The following DOP1A variants were observed in gnomAD, a reference collection of about 807,000 sequenced individuals.
DOP1A encodes the protein protein DOP1A.
In DOP1A, 90 loss-of-function variants were observed where a neutral mutation model predicts 267.6. The ratio of observed to expected loss-of-function variants is 0.34; its 90% CI spans 0.28 to 0.40. The LOEUF is 0.40. Ranked by LOEUF, DOP1A falls within the 10% of genes least tolerant of loss-of-function variation. The probability of loss-of-function intolerance (pLI) is 1.00; values close to 1 mark genes in which losing one functional copy is unlikely to be tolerated. For synonymous variants in DOP1A, 932 were observed against 999.1 expected, an observed-to-expected ratio of 0.93 and a Z score of 1.27; for missense variants, 2,437 against 2,900.4, an observed-to-expected ratio of 0.84 and a Z score of 3.67.
chr6:83,140,415 C>G lies in DOP1A; in HGVS notation c.5415+12C>G. The G allele has an allele frequency of 1.9e-6, 3 of 1,583,734 alleles. No homozygotes were observed. The highest frequency in any genetic ancestry group is 2.6e-6 in the Non-Finnish European group (3 of 1,167,614). The stretch of plus-strand genomic sequence containing the variant: ...TTGGAGCTACAAAGGTTAGACAATT[C>G]ATATTTAATCTGTAGAGCTCAAGAG... On this transcript the variant is annotated intron_variant, in intron 23 of 38. Coordinates refer to ENST00000349129, the MANE Select transcript of DOP1A (RefSeq NM_015018.4).
intron 1 of DOP1A, among the ~76,000 whole-genome samples, chr6:83,074,871 A>C (rs531372311): frequency 1.3e-5 from 2 of 152,338 alleles, no homozygotes; most frequent in African/African-American, 4.8e-5. Context: ...AGCAATGCTA[A>C]ATGAAATGTT....
chr6:83,140,190 A>G, intron 22 of DOP1A, 31 bp from the exon 23 acceptor site: 1 of 1,606,064 alleles, frequency 6.2e-7, no homozygotes, highest in Non-Finnish European at 8.5e-7. Flanking sequence ...CTCAGTAAGT[A>G]ATATGTTTCT....
In DOP1A at chr6:83,159,903, G is replaced by A; in HGVS notation, c.6905G>A (p.Cys2302Tyr). 6.2e-7 allele frequency: 1 copy of A among 1,614,004 alleles called. No homozygotes were observed. The highest frequency in any genetic ancestry group is 8.5e-7 in the Non-Finnish European group (1 of 1,180,008). ...QRWLNLYLSA[C>Y]KFLDLALALP... ...TGGTTAAACCTCTATCTCTCTGCTT[G>A]CAAATTTTTGGATTTGGCTCTCGCA... Residue 2302 changes from cysteine to tyrosine, a missense_variant, in exon 37 of 39, where the codon TGC (cysteine) becomes TAC (tyrosine). By Grantham distance (194) the Cys-to-Tyr change is radical. This residue lies in a region of DOP1A where 197 missense variants were observed against 246.5 expected (regional missense o/e 0.80). Transcript: ENST00000349129.
intron 33 of DOP1A, 104 bp from the exon 34 acceptor site, chr6:83,155,847 C>G: frequency 7.3e-7 from 1 of 1,360,880 alleles, no homozygotes; most frequent in Non-Finnish European, 9.9e-7. Context: ...ACCCCAAGCT[C>G]CTCTCAGTTT....
At chr6:83,123,830 G>A (rs1474383140) in intron 12 of DOP1A, among the ~76,000 whole-genome samples, 2 of 151,592 alleles carry the variant, frequency 1.3e-5, no homozygotes, top group African/African-American at 4.8e-5. Flanking sequence ...TTTTTTTGCC[G>A]CCTGGCCCTA....
chr6:83,148,482 C>G (rs1355696417), intron 26 of DOP1A, among the ~76,000 whole-genome samples: 2 of 151,956 alleles, frequency 1.3e-5, no homozygotes, highest in Non-Finnish European at 2.9e-5. Flanking sequence ...TGCCCATAAT[C>G]CCAACACTTT....
Position 83,138,417 on chromosome 6 carries a change from C to G in DOP1A, c.4375C>G (p.Leu1459Val). The change falls in exon 21 of 39, where the codon CTC becomes GTC. Residue 1459 changes from leucine (L) to valine (V), a missense_variant. Leu to Val is a conservative substitution (Grantham distance 32, BLOSUM62 1). This residue lies in a region of DOP1A where 878 missense variants were observed against 992.9 expected (regional missense o/e 0.88). Coordinates refer to ENST00000349129, the MANE Select transcript of DOP1A (RefSeq NM_015018.4). ...TATGTACATAGAAATTCTTATTTCT[C>G]TCTGCTTATATTACATGCGTAGCCA... ...SSMYIEILIS[L>V]CLYYMRSHYP... 1.2e-6 allele frequency: 2 copies of G among 1,611,512 alleles called. No individual in the cohort carries two copies. Among genetic ancestry groups the G allele is most frequent in the Non-Finnish European group, 1.7e-6 (2 of 1,179,832 alleles).
downstream of DOP1A, chr6:83,169,248 G>A: frequency 6.2e-7 from 1 of 1,613,982 alleles, no homozygotes; most frequent in Non-Finnish European, 8.5e-7. Flanking sequence ...AAACCTGGTT[G>A]GGGCCTTTCT....
At chr6:83,091,182 T>G (rs561990975) in intron 1 of DOP1A, among the ~76,000 whole-genome samples, 2 of 151,226 alleles carry the variant, frequency 1.3e-5, no homozygotes, top group Non-Finnish European at 1.5e-5. Flanking sequence ...ACCATGAGGA[T>G]ACCATGGGAA....
chr6:83,130,812 C>T (rs182522115), intron 17 of DOP1A, among the ~76,000 whole-genome samples: 93 of 151,832 alleles, frequency 6.1e-4, no homozygotes, highest in African/African-American at 2.1e-3. Flanking sequence ...GATCTCGGCT[C>T]ACTGCAACTT....
chr6:83,110,163 A>C lies in DOP1A; in HGVS notation c.530A>C (p.Asp177Ala). The C allele has an allele frequency of 6.2e-7, 1 of 1,611,262 alleles. No homozygotes were observed. Among genetic ancestry groups the C allele is most frequent in the Non-Finnish European group, 8.5e-7 (1 of 1,178,792 alleles). ...MLLEKVAAAV[D>A]QSAFYSALWG... is the part of the protein sequence containing the mutation. ...TTGGAAAAGGTTGCTGCTGCTGTGG[A>C]CCAGTCAGCATTCTACAGTGCCCTG... Residue 177 changes from aspartate (D) to alanine (A), a missense_variant, in exon 6 of 39, where the codon GAC (aspartate) becomes GCC (alanine). By Grantham distance (126) the Asp-to-Ala change is moderately radical. Coordinates refer to ENST00000349129, the MANE Select transcript of DOP1A (RefSeq NM_015018.4).
intron 18 of DOP1A, 44 bp from the exon 19 acceptor site, chr6:83,134,143 T>G (rs763788531): frequency 6.5e-7 from 1 of 1,549,112 alleles, no homozygotes; most frequent in Non-Finnish European, 8.9e-7. Flanking sequence ...CATAGTATCT[T>G]CAAGAGAGAA....
In DOP1A at chr6:83,151,920, T is replaced by C. The variant is rs573879154; in HGVS notation, c.5942T>C (p.Ile1981Thr). The change falls in exon 29 of 39, where the codon ATT (isoleucine) becomes ACT (threonine). Residue 1981 changes from isoleucine to threonine, a missense_variant. Physicochemically the swap from Ile to Thr is moderately conservative, Grantham distance 89. Around this residue, in one of 9 missense-constraint regions of DOP1A, gnomAD observed 216 missense variants for 283.3 expected, o/e 0.76. Transcript: ENST00000349129. ...AAAATAGTGGATGCAATTGGTGCAA[T>C]TGCTGGTTCTTCTCTGGAACAGACA... Reference protein sequence around the residue: ...THKIVDAIGAIAGSSLEQTTW... With the variant: ...THKIVDAIGATAGSSLEQTTW... The C allele has an allele frequency of 1.1e-5, 18 of 1,613,948 alleles. No homozygotes were observed. The highest frequency in any genetic ancestry group is 3.3e-5 in the South Asian group (3 of 91,058).
intron 6 of DOP1A, among the ~76,000 whole-genome samples, chr6:83,110,893 C>T (rs1253003031): frequency 2.6e-5 from 4 of 151,930 alleles, no homozygotes; most frequent in Admixed American, 1.3e-4. Flanking sequence ...TGAAATTAGC[C>T]CTTCTTACAT....
intron 35 of DOP1A, among the ~76,000 whole-genome samples, chr6:83,158,335 T>C (rs1022202167): frequency 1.3e-5 from 2 of 152,150 alleles, no homozygotes; most frequent in African/African-American, 4.8e-5. Flanking sequence ...CTCTGTTCCA[T>C]AATCACTAAA....
rs1227693685 is a variant in DOP1A, at chr6:83,137,997, A to G, written c.3955A>G (p.Lys1319Glu). ...DKKKSSNEKL[K>E]QTSVFFSDGL... ...GAAAAAATCTTCAAATGAAAAACTC[A>G]AACAAACCAGTGTATTCTTCAGTGA... Residue 1319 changes from lysine (K) to glutamate (E), a missense_variant, in exon 21 of 39, where the codon AAA becomes GAA. Physicochemically the swap from Lys to Glu is moderately conservative, Grantham distance 56. Transcript: ENST00000349129. The G allele has an allele frequency of 6.2e-7, 1 of 1,606,802 alleles. No homozygotes were observed. Among genetic ancestry groups the G allele is most frequent in the South Asian group, 1.1e-5 (1 of 89,682 alleles).
intron 1 of DOP1A, among the ~76,000 whole-genome samples, chr6:83,093,583 A>G (rs963467479): frequency 1.3e-5 from 2 of 152,232 alleles, no homozygotes; most frequent in African/African-American, 4.8e-5. Flanking sequence ...GGTGATTCAT[A>G]TATTTTGAGT....
chr6:83,169,765 T>C, downstream of DOP1A: 1 of 457,860 alleles, frequency 2.2e-6, no homozygotes, highest in South Asian at 1.5e-5. Context: ...CACTGTACTT[T>C]GCCCTGGCTT....
intron 15 of DOP1A, among the ~76,000 whole-genome samples, chr6:83,127,668 A>C (rs1170597914): frequency 6.6e-6 from 1 of 152,226 alleles, no homozygotes; most frequent in Non-Finnish European, 1.5e-5. Flanking sequence ...AGAGGTGGTG[A>C]TAACTTGTGC....
Sources: gnomAD v4.1 joint callset for allele counts (sites outside exome capture counted in the v4.1 genomes callset) on GRCh38, gnomAD v4.1.1 for gene constraint, gnomAD v4.1.1 regional missense constraint, MANE v1.5 for transcripts, NCBI Gene and HGNC (gene_info 2026-07-23, HGNC 2026-07-21) for gene names.